The following COPB1 variants were observed in gnomAD, a reference collection of about 807,000 sequenced individuals.
The protein encoded by COPB1 is coat protein complex I subunit beta 1, also known as coatomer subunit beta.
COPB1 carries 21 observed loss-of-function variants against 108.7 expected under a neutral mutation model. The ratio of observed to expected loss-of-function variants is 0.19; its 90% CI spans 0.14 to 0.28. The LOEUF is 0.28. Ranked by LOEUF, COPB1 falls within the 10% of genes least tolerant of loss-of-function variation. COPB1 has a pLI of 1.00. For synonymous variants in COPB1, 378 were observed against 386.8 expected (o/e 0.98, Z 0.27); for missense variants, 919 against 1,141.3 (o/e 0.81, Z 2.81).
At chr11:14,483,478 GAA>G (rs1363132430) in intron 7 of COPB1, among the ~76,000 whole-genome samples, 1 of 152,082 alleles carries the variant, frequency 6.6e-6, no homozygotes, top group East Asian at 1.9e-4. Context: ...GAACAAGCCA[GAA>G]AAATGCAGGA....
chr11:14,497,403 C>A (rs1373006873), intron 2 of COPB1, among the ~76,000 whole-genome samples: 1 of 151,266 alleles, frequency 6.6e-6, no homozygotes, highest in Non-Finnish European at 1.5e-5. Context: ...AGACATTTCA[C>A]AAAGACATAC....
chr11:14,461,040 G>T, intron 19 of COPB1, 146 bp downstream of exon 19: 1 of 973,008 alleles, frequency 1.0e-6, no homozygotes, highest in Non-Finnish European at 1.5e-6. Context: ...TTTAGTTAAG[G>T]CTAATTTGCA....
In COPB1 at chr11:14,474,510, C is replaced by T; in HGVS notation, c.1722G>A (p.Glu574=). 6.2e-7 allele frequency: 1 copy of T among 1,611,988 alleles called. No individual in the cohort carries two copies. The highest frequency in any genetic ancestry group is 8.5e-7 in the Non-Finnish European group (1 of 1,179,010). The change falls in exon 14 of 22, where the codon GAG becomes GAA. Residue 574 remains glutamate (E), a synonymous_variant. Transcript: ENST00000439561. ...ATGAACTTACATTTTGCTTTTTCTT[C>T]TCCTGAACCAAAGCTACATAGCGCA... ...IALRYVALVQ[E]KKKQNSFVAE... is the part of the protein sequence containing the mutation.
chr11:14,466,678 T>C lies in COPB1; in HGVS notation c.2146-252A>G, dbSNP rs113452654. 3.5e-3 allele frequency among the ~76,000 whole-genome samples: 538 copies of C among 152,346 alleles called. 7 individuals carry two copies. Among genetic ancestry groups the C allele is most frequent in the African/African-American group, 0.013 (523 of 41,590 alleles). On this transcript the variant is annotated intron_variant, in intron 16 of 21. Transcript: ENST00000439561. ...AACTCAGTATAAGGTATTATACATG[T>C]TGATTTTTGAGCTTATAAGTTCAGT...
chr11:14,480,180 A>G (rs1850630918), intron 10 of COPB1, among the ~76,000 whole-genome samples: 1 of 152,252 alleles, frequency 6.6e-6, no homozygotes, highest in East Asian at 1.9e-4. Context: ...AAACAAAGTC[A>G]CAATGGCTTT....
intron 7 of COPB1, among the ~76,000 whole-genome samples, chr11:14,486,143 A>G (rs1850768056): frequency 6.6e-6 from 1 of 152,192 alleles, no homozygotes; most frequent in Non-Finnish European, 1.5e-5. Context: ...GTCAGAGGTT[A>G]ACTGTACTGT....
At chr11:14,459,461 TTTTC>T (rs1850096483) in intron 20 of COPB1, among the ~76,000 whole-genome samples, 1 of 152,170 alleles carries the variant, frequency 6.6e-6, no homozygotes, top group Non-Finnish European at 1.5e-5. Context: ...CCAGCTTCAT[TTTTC>T]TTTCTCTCTC....
chr11:14,477,363 C>A (rs556066824), intron 11 of COPB1, among the ~76,000 whole-genome samples: 27 of 110,870 alleles, frequency 2.4e-4, no homozygotes, highest in African/African-American at 8.7e-4. Context: ...GCACTCCAGG[C>A]TGGGTGACAG....
At chr11:14,488,127 A>T (rs989397576) in intron 6 of COPB1, among the ~76,000 whole-genome samples, 2 of 152,222 alleles carry the variant, frequency 1.3e-5, no homozygotes, top group African/African-American at 4.8e-5. Context: ...AAAGTATTTA[A>T]GGCTTTTTTG....
At position 14,458,616 on chromosome 11, in the gene COPB1, A is replaced by C; in HGVS notation, c.2718T>G (p.Leu906=). 2 of 1,614,078 alleles carry C rather than the reference A, an allele frequency of 1.2e-6. No individual in the cohort carries two copies. The highest frequency in any genetic ancestry group is 1.7e-6 in the Non-Finnish European group (2 of 1,179,994). ...TTGGCTTCTCAATGCTGACATTTGCAAGTGCATCTTCACCAAATATGGAAC... is the reference window on the plus strand; with the variant it reads ...TTGGCTTCTCAATGCTGACATTTGCCAGTGCATCTTCACCAAATATGGAAC... ...YARSIFGEDA[L]ANVSIEKPIH... The change falls in exon 21 of 22, where the codon CTT becomes CTG. Residue 906 remains leucine, a synonymous_variant. Coordinates refer to ENST00000439561, the MANE Select transcript of COPB1 (RefSeq NM_001144061.2).
intron 7 of COPB1, among the ~76,000 whole-genome samples, chr11:14,485,829 C>A (rs1850757995): frequency 6.6e-6 from 1 of 152,064 alleles, no homozygotes; most frequent in Non-Finnish European, 1.5e-5. Flanking sequence ...GGTGACAAAG[C>A]AATACCTTGT....
intron 2 of COPB1, among the ~76,000 whole-genome samples, chr11:14,496,076 G>A (rs2134130520): frequency 6.6e-6 from 1 of 152,162 alleles, no homozygotes; most frequent in African/African-American, 2.4e-5. Flanking sequence ...ATTAAGAAGT[G>A]GGAATAGGCA....
chr11:14,458,554 A>G lies in COPB1; in HGVS notation c.2780T>C (p.Ile927Thr), dbSNP rs1850076193. Residue 927 changes from isoleucine to threonine, a missense_variant, in exon 21 of 22, where the codon ATA (isoleucine) becomes ACA (threonine). By Grantham distance (89) the Ile-to-Thr change is moderately conservative. This residue lies in a region of COPB1 where 705 missense variants were observed against 817.8 expected (regional missense o/e 0.86). Transcript: ENST00000439561. ...TACCTGGCTCTTTGCACGAATTCTT[A>G]TATGGCCGGTAACAGCAGCATCTGG... ...QGPDAAVTGHIRIRAKSQGMA... is the reference protein window; with the variant it reads ...QGPDAAVTGHTRIRAKSQGMA... 1 of 1,611,580 alleles carries G rather than the reference A, an allele frequency of 6.2e-7. No homozygotes were observed. Among genetic ancestry groups the G allele is most frequent in the Non-Finnish European group, 8.5e-7 (1 of 1,179,262 alleles).
chr11:14,487,720 G>A (rs1039244766), intron 6 of COPB1, among the ~76,000 whole-genome samples: 2 of 151,728 alleles, frequency 1.3e-5, no homozygotes, highest in Non-Finnish European at 2.9e-5. Context: ...AAACTGTACA[G>A]TAAGTCTTGG....
chr11:14,491,166 T>A (rs1023753792), intron 4 of COPB1, among the ~76,000 whole-genome samples: 4 of 152,188 alleles, frequency 2.6e-5, no homozygotes, highest in Admixed American at 2.0e-4. Flanking sequence ...TGCCTCAGCC[T>A]CCTGAGTATC....
rs554130810 is a variant in COPB1, at chr11:14,499,077, G to A, written c.-57-92C>T. On this transcript the variant is annotated intron_variant, in intron 1 of 21. Coordinates refer to ENST00000439561, the MANE Select transcript of COPB1 (RefSeq NM_001144061.2). ...AGTGACCTTTTAAAGTATTAGAAAG[G>A]GCAGGTCAATCTATATCGTGTTCCC... 241 of 613,888 alleles carry A rather than the reference G, an allele frequency of 3.9e-4. 1 individual carries two copies. Among genetic ancestry groups the A allele is most frequent in the South Asian group, 2.8e-3 (128 of 46,538 alleles). The allele number at this position is 613,888 out of a possible 1,614,324, so 38.0% of individuals were successfully genotyped here.
chr11:14,484,449 G>A (rs752964277), intron 7 of COPB1, among the ~76,000 whole-genome samples: 1 of 152,246 alleles, frequency 6.6e-6, no homozygotes, highest in Non-Finnish European at 1.5e-5. Context: ...ATCGGGCATG[G>A]TGGCTCATGC....
chr11:14,461,398 T>A (rs1850146390), intron 18 of COPB1, 67 bp from the exon 19 acceptor site: 2 of 1,497,274 alleles, frequency 1.3e-6, no homozygotes, highest in South Asian at 1.2e-5. Context: ...AATCTTAATA[T>A]CCAAATATCC....
At chr11:14,493,523 TG>T in intron 4 of COPB1, 118 bp downstream of exon 4, 1 of 814,224 alleles carries the variant, frequency 1.2e-6, no homozygotes, top group Non-Finnish European at 1.8e-6. Flanking sequence ...AATACAGTGC[TG>T]GCCATACAAA....
Sources: gnomAD v4.1 joint callset for allele counts (sites outside exome capture counted in the v4.1 genomes callset) on GRCh38, gnomAD v4.1.1 for gene constraint, gnomAD v4.1.1 regional missense constraint, MANE v1.5 for transcripts, NCBI Gene and HGNC (gene_info 2026-07-23, HGNC 2026-07-21) for gene names.